STAB2: variants seen among roughly 807,000 people sequenced by gnomAD.
STAB2 encodes the protein stabilin-2.
In STAB2, 288 loss-of-function variants were observed where a neutral mutation model predicts 338.1. The observed-to-expected ratio is 0.85, with a 90% CI of 0.77 to 0.94. STAB2 has a LOEUF of 0.94. Ranked by LOEUF, STAB2 falls within the 40% of genes least tolerant of loss-of-function variation. The pLI, the probability that STAB2 is intolerant of heterozygous loss-of-function variation, is 0.00. For missense variants in STAB2, 3,141 were observed against 3,210.1 expected, an observed-to-expected ratio of 0.98 and a Z score of 0.52; for synonymous variants, 1,202 against 1,193.3, an observed-to-expected ratio of 1.01 and a Z score of -0.15.
chr12:103,620,673 AG>A, intron 4 of STAB2, 120 bp downstream of exon 4: 1 of 882,654 alleles, frequency 1.1e-6, no homozygotes, highest in Non-Finnish European at 1.7e-6. Flanking sequence ...ACACATATAC[AG>A]CGAAGTTCTT....
intron 38 of STAB2, among the ~76,000 whole-genome samples, chr12:103,708,011 C>T (rs999018281): frequency 6.6e-6 from 1 of 152,200 alleles, no homozygotes; most frequent in African/African-American, 2.4e-5. Flanking sequence ...AGAGACTCAT[C>T]TGTGTAATTG....
At chr12:103,638,258 G>A in intron 8 of STAB2, 46 bp downstream of exon 8, 2 of 1,563,852 alleles carry the variant, frequency 1.3e-6, no homozygotes, top group Non-Finnish European at 1.7e-6. Context: ...AGTTTGACAA[G>A]CCACTATGTG....
intron 58 of STAB2, among the ~76,000 whole-genome samples, chr12:103,748,621 CA>C (rs1883291704): frequency 2.0e-5 from 1 of 50,656 alleles, no homozygotes; most frequent in Non-Finnish European, 4.1e-5. Flanking sequence ...CACACACACA[CA>C]CACACACACA....
At chr12:103,727,515 CA>C (rs1395336829) in intron 47 of STAB2, among the ~76,000 whole-genome samples, 165 bp downstream of exon 47, 1 of 152,210 alleles carries the variant, frequency 6.6e-6, no homozygotes, top group African/African-American at 2.4e-5. Context: ...GGACCCCTGT[CA>C]GGGGAAACAT....
intron 3 of STAB2, among the ~76,000 whole-genome samples, chr12:103,602,584 A>G (rs1426478509): frequency 6.6e-6 from 1 of 152,224 alleles, no homozygotes; most frequent in African/African-American, 2.4e-5. Context: ...TTTCATTTCT[A>G]TCAACAATGT....
intron 60 of STAB2, 128 bp downstream of exon 60, chr12:103,750,848 T>G: frequency 3.1e-6 from 4 of 1,307,798 alleles, no homozygotes; most frequent in Non-Finnish European, 4.0e-6. Flanking sequence ...CCCAATACTT[T>G]GGGAGGCCAA....
chr12:103,637,027 TA>T, intron 6 of STAB2, 83 bp from the exon 7 acceptor site: 1 of 1,409,166 alleles, frequency 7.1e-7, no homozygotes, highest in Non-Finnish European at 9.4e-7. Flanking sequence ...TATTGCTTTT[TA>T]ATAAAAGGGA....
At chr12:103,630,833 C>T (rs535862928) in intron 5 of STAB2, among the ~76,000 whole-genome samples, 1 of 152,314 alleles carries the variant, frequency 6.6e-6, no homozygotes, top group East Asian at 1.9e-4. Flanking sequence ...TCAATTTTAG[C>T]TCAATGAGTA....
chr12:103,725,021 A>G lies in STAB2; in HGVS notation c.4730A>G (p.Gln1577Arg). The part of the protein sequence containing the change: ...SEFAICNHTG[Q>R]VERTCTCKPN... ...TTTGCCATCTGCAACCACACTGGGC[A>G]AGTAGAAAGGACTTGTACTTGCAAG... Residue 1577 changes from glutamine to arginine, a missense_variant, in exon 45 of 69, where the codon CAA (glutamine) becomes CGA (arginine). Coordinates refer to ENST00000388887, the MANE Select transcript of STAB2 (RefSeq NM_017564.10). 2 of 1,614,176 alleles carry G rather than the reference A, an allele frequency of 1.2e-6. No homozygotes were observed. The highest frequency in any genetic ancestry group is 1.7e-6 in the Non-Finnish European group (2 of 1,179,986).
intron 64 of STAB2, 104 bp from the exon 65 acceptor site, chr12:103,759,029 A>G: frequency 6.3e-7 from 1 of 1,582,896 alleles, no homozygotes; most frequent in Non-Finnish European, 8.6e-7. Flanking sequence ...GAGGCAGGAA[A>G]GCCTAGGCCA....
intron 3 of STAB2, among the ~76,000 whole-genome samples, chr12:103,607,382 T>A (rs965592174): frequency 1.6e-4 from 9 of 58,050 alleles, no homozygotes; most frequent in Non-Finnish European, 2.6e-4. Flanking sequence ...TTTTTGTTCT[T>A]TTTTCTGTTT....
Position 103,713,625 on chromosome 12 carries a change from C to T in STAB2, c.4412-18C>T. 2 of 1,613,304 alleles carry T rather than the reference C, an allele frequency of 1.2e-6. No individual in the cohort carries two copies. Among genetic ancestry groups the T allele is most frequent in the Non-Finnish European group, 8.5e-7 (1 of 1,179,462 alleles). Reference sequence around the variant, plus strand: ...TTGCCCTTCCCTCTCCCCTTCTGCTCTGTGTCATCTTCTATAGCAATCAAT... The same window carrying T: ...TTGCCCTTCCCTCTCCCCTTCTGCTTTGTGTCATCTTCTATAGCAATCAAT... On this transcript the variant is annotated intron_variant, in intron 41 of 68. Coordinates refer to ENST00000388887, the MANE Select transcript of STAB2 (RefSeq NM_017564.10).
Position 103,695,820 on chromosome 12 carries a change from C to A in STAB2, c.3558C>A (p.Ile1186=), listed in dbSNP as rs577475633. The stretch of plus-strand genomic sequence containing the variant: ...ACAACAATGCCATCGAGAATTACAT[C>A]AGGGAGAAGAAAGTCTTGTCTCTAG... ...APNNNAIENY[I]REKKVLSLEE... The change falls in exon 33 of 69, where the codon ATC becomes ATA. Residue 1186 remains isoleucine, a synonymous_variant. Coordinates refer to ENST00000388887, the MANE Select transcript of STAB2 (RefSeq NM_017564.10). 6.2e-7 allele frequency: 1 copy of A among 1,614,006 alleles called. No homozygotes were observed.
chr12:103,666,490 T>C (rs1565996146), intron 19 of STAB2, 137 bp downstream of exon 19: 2 of 839,510 alleles, frequency 2.4e-6, no homozygotes, highest in Non-Finnish European at 3.9e-6. Flanking sequence ...TAGCCTACTA[T>C]ATGGGGGATG....
intron 61 of STAB2, chr12:103,755,061 G>T: frequency 2.0e-6 from 1 of 502,802 alleles, no homozygotes; most frequent in South Asian, 3.4e-5. Context: ...GCAGAGAGAA[G>T]AGAAATGAGT....
At chr12:103,765,824 G>A (rs11111754) in intron 68 of STAB2, among the ~76,000 whole-genome samples, 46,479 of 152,082 alleles carry the variant, frequency 0.31, 7,538 homozygotes, top group East Asian at 0.6. Context: ...TTACAGGCGC[G>A]AGCCACCATG....
At chr12:103,594,912 A>G (rs575932753) in intron 3 of STAB2, among the ~76,000 whole-genome samples, 1 of 152,306 alleles carries the variant, frequency 6.6e-6, no homozygotes, top group South Asian at 2.1e-4. Context: ...ATAATTAAAT[A>G]TTCTAAAAAT....
chr12:103,643,867 C>A (rs555991084), intron 9 of STAB2, among the ~76,000 whole-genome samples: 1 of 140,240 alleles, frequency 7.1e-6, no homozygotes, highest in Non-Finnish European at 1.6e-5. Flanking sequence ...CCGCCCCGTC[C>A]GGGAGGTGAG....
At chr12:103,683,051 T>C (rs927176677) in intron 25 of STAB2, among the ~76,000 whole-genome samples, 154 bp from the exon 26 acceptor site, 2 of 152,154 alleles carry the variant, frequency 1.3e-5, no homozygotes, top group Non-Finnish European at 2.9e-5. Context: ...AACTCTAGAA[T>C]CTGAAGTGTA....
Sources: allele counts gnomAD v4.1 joint callset (sites outside exome capture counted in the v4.1 genomes callset), GRCh38; gene constraint gnomAD v4.1.1; transcripts MANE v1.5; gene names NCBI Gene and HGNC (gene_info 2026-07-23, HGNC 2026-07-21).